The following PCDHGA1 variants were observed in gnomAD, a reference collection of about 807,000 sequenced individuals.
The protein encoded by PCDHGA1 is protocadherin gamma subfamily A, 1, also known as protocadherin gamma-A1.
Under a neutral mutation model 58.0 loss-of-function variants are expected in PCDHGA1, and 32 were observed. The observed-to-expected ratio is 0.55, with a 90% CI of 0.42 to 0.74. PCDHGA1 has a LOEUF of 0.74. PCDHGA1 is among the 30% of genes least tolerant of loss of function. The pLI is 0.00. For synonymous variants in PCDHGA1, 498 were observed against 501.1 expected (o/e 0.99, Z 0.08); for missense variants, 1,205 against 1,182.3 (o/e 1.02, Z -0.28).
Position 141,485,618 on chromosome 5 carries a change from G to A in PCDHGA1, c.2422-9189G>A, listed in dbSNP as rs2099616729. 2.5e-6 allele frequency: 4 copies of A among 1,612,092 alleles called. No individual in the cohort carries two copies. Among genetic ancestry groups the A allele is most frequent in the Non-Finnish European group, 3.4e-6 (4 of 1,178,672 alleles). On this transcript the variant is annotated intron_variant, in intron 1 of 3. Coordinates refer to ENST00000517417, the MANE Select transcript of PCDHGA1 (RefSeq NM_018912.3). This position sits in a 1 kb window ranked among gnomAD's most constrained non-coding sequence, Gnocchi z 5.7. The stretch of plus-strand genomic sequence containing the variant: ...GGAAATTGGGGAGGCAGCTCCTCCA[G>A]GACAGCGTTTCCCGTTGGAAAAGGC...
intron 1 of PCDHGA1, chr5:141,418,417 T>C: frequency 6.2e-7 from 1 of 1,614,002 alleles, no homozygotes; most frequent in Non-Finnish European, 8.5e-7. Flanking sequence ...AAGACAATCC[T>C]GATGGTGGCA....
rs2096301395 is a variant in PCDHGA1, at chr5:141,418,913, C to A, written c.2422-75894C>A. On this transcript the variant is annotated intron_variant, in intron 1 of 3. Coordinates refer to ENST00000517417, the MANE Select transcript of PCDHGA1 (RefSeq NM_018912.3). ...CAGCCCAGAAATAATCATCACGTCA[C>A]TCTCTGATCAGATTATGGAGGATTC... The A allele has an allele frequency of 2.5e-6, 4 of 1,613,946 alleles. No homozygotes were observed. The highest frequency in any genetic ancestry group is 3.4e-6 in the Non-Finnish European group (4 of 1,179,822).
intron 1 of PCDHGA1, chr5:141,383,406 T>C (rs780989648): frequency 6.2e-7 from 1 of 1,613,748 alleles, no homozygotes; most frequent in Admixed American, 1.7e-5. Context: ...CCCTCCAGAG[T>C]TACCAGCTCA....
intron 2 of PCDHGA1, among the ~76,000 whole-genome samples, chr5:141,496,839 AG>A (rs2099771805): frequency 1.3e-5 from 2 of 151,484 alleles, no homozygotes; most frequent in African/African-American, 4.9e-5. Context: ...CAGAACTCAT[AG>A]GCTTCCAGAC....
At chr5:141,356,209 G>A in intron 1 of PCDHGA1, 1 of 1,605,328 alleles carries the variant, frequency 6.2e-7, no homozygotes, top group Non-Finnish European at 8.5e-7. Flanking sequence ...ACTGGTGACA[G>A]TTCTGGATGA....
intron 1 of PCDHGA1, chr5:141,423,945 A>T (rs931771609): frequency 4.1e-6 from 5 of 1,207,688 alleles, no homozygotes; most frequent in Non-Finnish European, 4.1e-6. Context: ...AGTAAGTTGA[A>T]TTTTAGTATT....
intron 1 of PCDHGA1, among the ~76,000 whole-genome samples, chr5:141,443,323 A>AG (rs1262238603): frequency 1.3e-5 from 2 of 151,732 alleles, no homozygotes; most frequent in African/African-American, 4.9e-5. Context: ...TCTACAAAAA[A>AG]AAAAAACAAA....
chr5:141,364,546 G>C (rs149041036), intron 1 of PCDHGA1: 36,067 of 1,614,110 alleles, frequency 0.022, 502 homozygotes, highest in Non-Finnish European at 0.025. Flanking sequence ...GAGGTAGGAC[G>C]CAGCTTTTTG....
At position 141,418,522 on chromosome 5, in the gene PCDHGA1, C is replaced by T. The variant is rs751177053; in HGVS notation, c.2422-76285C>T. The T allele has an allele frequency of 1.5e-5, 24 of 1,613,884 alleles. No individual in the cohort carries two copies. The African/African-American group carries it at 2.7e-4, about 18-fold the overall frequency. ...CCGCCTTAGATGGTGGGGACCCTCC[C>T]CGAAGCGGTACTGCTCAGATAAGAA... is the stretch of plus-strand genomic sequence containing the variant. On this transcript the variant is annotated intron_variant, in intron 1 of 3. Transcript: ENST00000517417.
At chr5:141,371,340 A>G in intron 1 of PCDHGA1, 2 of 1,613,980 alleles carry the variant, frequency 1.2e-6, no homozygotes, top group Non-Finnish European at 1.7e-6. Flanking sequence ...AGATAGCTAC[A>G]CAATTGGGGT....
At chr5:141,467,214 G>A (rs1333148694) in intron 1 of PCDHGA1, among the ~76,000 whole-genome samples, 1 of 151,856 alleles carries the variant, frequency 6.6e-6, no homozygotes, top group Admixed American at 6.6e-5. Context: ...CACCATGCCT[G>A]GCTAATTTTT....
chr5:141,371,336 C>T (rs2149982904), intron 1 of PCDHGA1: 1 of 1,613,926 alleles, frequency 6.2e-7, no homozygotes, highest in Non-Finnish European at 8.5e-7. Context: ...AGAGAGATAG[C>T]TACACAATTG....
At chr5:141,404,623 C>T in intron 1 of PCDHGA1, 3 of 1,614,154 alleles carry the variant, frequency 1.9e-6, no homozygotes, top group Non-Finnish European at 2.5e-6. Context: ...ACCAGAATGA[C>T]AATGCCCCAG....
At position 141,360,218 on chromosome 5, in the gene PCDHGA1, C is replaced by G. The variant is rs1331722103; in HGVS notation, c.2421+27113C>G. ...TTCCTGTTGTCTTTGTTCCCCGGGG[C>G]TCTCCCAGTCCAGATCCGCTATTCA... On this transcript the variant is annotated intron_variant, in intron 1 of 3. Transcript: ENST00000517417. The G allele has an allele frequency of 1.9e-6, 3 of 1,613,260 alleles. No homozygotes were observed. In the East Asian group the frequency reaches 6.7e-5, roughly 36 times the overall value.
At chr5:141,336,280 C>G (rs1756610012) in intron 1 of PCDHGA1, among the ~76,000 whole-genome samples, 1 of 152,138 alleles carries the variant, frequency 6.6e-6, no homozygotes, top group Admixed American at 6.5e-5. Context: ...ACTGAGTAGG[C>G]TGAGGCAGTA....
intron 1 of PCDHGA1, among the ~76,000 whole-genome samples, chr5:141,354,219 T>C (rs535697333): frequency 4.2e-4 from 64 of 152,356 alleles, no homozygotes; most frequent in African/African-American, 1.5e-3. Flanking sequence ...TTTTTATTTC[T>C]TTTTTATTTT....
At chr5:141,362,637 TTGTC>T (rs1762610119) in intron 1 of PCDHGA1, 48 of 1,479,318 alleles carry the variant, frequency 3.2e-5, no homozygotes, top group Non-Finnish European at 4.2e-5. Context: ...GCGTATTTCT[TTGTC>T]TGTGAGTTAG....
At chr5:141,464,422 TATAG>T (rs2099083887) in intron 1 of PCDHGA1, among the ~76,000 whole-genome samples, 1 of 151,672 alleles carries the variant, frequency 6.6e-6, no homozygotes, top group African/African-American at 2.4e-5. Context: ...TATCTATATA[TATAG>T]ATATATATGT....
intron 1 of PCDHGA1, chr5:141,366,122 T>G: frequency 6.2e-7 from 1 of 1,614,210 alleles, no homozygotes. Context: ...GGACAAAGAT[T>G]CAGGCCAGAA....
Sources: allele counts gnomAD v4.1 joint callset (sites outside exome capture counted in the v4.1 genomes callset), GRCh38; gene constraint gnomAD v4.1.1; non-coding constraint Gnocchi (gnomAD v3.1); transcripts MANE v1.5; gene names NCBI Gene and HGNC (gene_info 2026-07-23, HGNC 2026-07-21).